PIP5K1B: variants seen among roughly 807,000 people sequenced by gnomAD.
The protein encoded by PIP5K1B is phosphatidylinositol 4-phosphate 5-kinase type-1 beta.
In PIP5K1B, 42 loss-of-function variants were observed where a neutral mutation model predicts 67.0. That is an observed-to-expected ratio of 0.63 (90% CI 0.49 to 0.81). The LOEUF (loss-of-function observed/expected upper bound fraction) is 0.81. Ranked by LOEUF, PIP5K1B falls within the 30% of genes least tolerant of loss-of-function variation. The probability of loss-of-function intolerance (pLI) is 0.00; values close to 1 mark genes in which losing one functional copy is unlikely to be tolerated. For missense variants in PIP5K1B, 459 were observed against 646.3 expected, an observed-to-expected ratio of 0.71 and a Z score of 3.14; for synonymous variants, 214 against 231.4, an observed-to-expected ratio of 0.92 and a Z score of 0.68.
chr9:68,799,014 T>C (rs1351033460), intron 2 of PIP5K1B, among the ~76,000 whole-genome samples: 2 of 152,184 alleles, frequency 1.3e-5, no homozygotes, highest in Non-Finnish European at 2.9e-5. Flanking sequence ...GGGAATGAAG[T>C]GACATTGAAT....
chr9:68,820,922 G>A (rs540821459), intron 3 of PIP5K1B, among the ~76,000 whole-genome samples: 29 of 152,260 alleles, frequency 1.9e-4, no homozygotes, highest in South Asian at 1.9e-3. Flanking sequence ...ACAAAGATAC[G>A]CAATAGTTTT....
intron 2 of PIP5K1B, among the ~76,000 whole-genome samples, chr9:68,750,547 T>C (rs10115871): frequency 1.3e-5 from 2 of 152,050 alleles, no homozygotes; most frequent in African/African-American, 2.4e-5. Context: ...TAGAAAGTGA[T>C]TTGAATAGAT....
chr9:68,869,603 A>G (rs1179274320), intron 5 of PIP5K1B, among the ~76,000 whole-genome samples: 2 of 152,236 alleles, frequency 1.3e-5, no homozygotes, highest in Non-Finnish European at 2.9e-5. Flanking sequence ...GCTGCTATCT[A>G]CAATGGCTGC....
At chr9:68,843,130 G>C (rs1316358223) in intron 4 of PIP5K1B, 1 of 152,166 alleles carries the variant, frequency 6.6e-6, no homozygotes, top group Non-Finnish European at 1.5e-5. Flanking sequence ...AATTTTTAAA[G>C]GTGATTGTGA....
rs541635046 is a variant in PIP5K1B at position 68,859,334 on chromosome 9, G to A, written c.70-4503G>A. ...ATACAGAGGAGCTGTGAAACTAAAC[G>A]TTTGTGGTTTGCCTTTATGATGTTA... On this transcript the variant is annotated intron_variant, in intron 4 of 15. Transcript: ENST00000265382. 3.9e-5 allele frequency among the ~76,000 whole-genome samples: 6 copies of A among 152,286 alleles called. No individual in the cohort carries two copies. In the South Asian group the frequency reaches 1.0e-3, roughly 26 times the overall value.
At chr9:68,887,922 G>GCACTGCTCA in intron 6 of PIP5K1B, among the ~76,000 whole-genome samples, 1 of 151,728 alleles carries the variant, frequency 6.6e-6, no homozygotes, top group South Asian at 2.1e-4. Context: ...TGCAGGCTGT[G>GCACTGCTCA]CACTGCTCAA....
chr9:68,810,814 A>G (rs1389728785), intron 2 of PIP5K1B, among the ~76,000 whole-genome samples: 2 of 150,136 alleles, frequency 1.3e-5, no homozygotes, highest in Non-Finnish European at 1.5e-5. Context: ...AACAAGTTTT[A>G]TAGGAAAAAA....
chr9:68,909,368 T>C (rs1825753649), intron 8 of PIP5K1B, among the ~76,000 whole-genome samples: 1 of 151,728 alleles, frequency 6.6e-6, no homozygotes. Flanking sequence ...TTTACTCATA[T>C]GTACTTTAGT....
intron 1 of PIP5K1B, among the ~76,000 whole-genome samples, chr9:68,709,370 C>T (rs12352713): frequency 0.11 from 16,762 of 152,026 alleles, 987 homozygotes; most frequent in Non-Finnish European, 0.13. Flanking sequence ...GTAGCTGCAA[C>T]AACAGGCACG....
intron 4 of PIP5K1B, among the ~76,000 whole-genome samples, chr9:68,825,356 G>A (rs549167896): frequency 7.2e-5 from 11 of 152,300 alleles, no homozygotes; most frequent in South Asian, 6.2e-4. Context: ...TTTGCTCCCT[G>A]TTCACTCGGT....
At chr9:68,970,297 C>A (rs1829291390) in intron 14 of PIP5K1B, among the ~76,000 whole-genome samples, 1 of 152,192 alleles carries the variant, frequency 6.6e-6, no homozygotes, top group Non-Finnish European at 1.5e-5. Flanking sequence ...AGAATTATAG[C>A]TAGGGTTAAT....
chr9:68,879,009 C>G (rs1824041794), intron 6 of PIP5K1B, among the ~76,000 whole-genome samples: 1 of 152,068 alleles, frequency 6.6e-6, no homozygotes, highest in African/African-American at 2.4e-5. Flanking sequence ...TTATCAGGAA[C>G]ATTATTAACA....
chr9:68,890,893 C>T (rs920719136), intron 7 of PIP5K1B, among the ~76,000 whole-genome samples: 1 of 152,142 alleles, frequency 6.6e-6, no homozygotes, highest in Admixed American at 6.6e-5. Context: ...CTCAGATATA[C>T]TTGTCCTCTT....
At chr9:68,894,149 A>G (rs1824960510) in intron 7 of PIP5K1B, among the ~76,000 whole-genome samples, 190 bp from the exon 8 acceptor site, 1 of 152,210 alleles carries the variant, frequency 6.6e-6, no homozygotes, top group South Asian at 2.1e-4. Flanking sequence ...GTTTAGAATA[A>G]TAAAATTGCT....
At chr9:68,725,993 C>G (rs1390581030) in intron 1 of PIP5K1B, among the ~76,000 whole-genome samples, 1 of 152,190 alleles carries the variant, frequency 6.6e-6, no homozygotes, top group Admixed American at 6.5e-5. Flanking sequence ...ATATGAGAAG[C>G]TCCTAGAAGT....
chr9:68,953,401 C>A (rs571759337), intron 14 of PIP5K1B, among the ~76,000 whole-genome samples: 1 of 151,884 alleles, frequency 6.6e-6, no homozygotes, highest in Non-Finnish European at 1.5e-5. Context: ...TTTTTAGTCT[C>A]GGTTTTCATC....
chr9:68,992,434 G>A (rs1047923564), intron 15 of PIP5K1B, among the ~76,000 whole-genome samples: 5 of 152,226 alleles, frequency 3.3e-5, no homozygotes, highest in Non-Finnish European at 4.4e-5. Context: ...GAGCCTCCTT[G>A]AGCCTGCATT....
intron 15 of PIP5K1B, among the ~76,000 whole-genome samples, chr9:68,998,843 C>T (rs1283346147): frequency 6.6e-6 from 1 of 152,150 alleles, no homozygotes; most frequent in Non-Finnish European, 1.5e-5. Flanking sequence ...AATAAAGCCC[C>T]CCAAGTGTGA....
chr9:68,952,470 ATCTTCCTCTTTGCT>A (rs1828130965), intron 14 of PIP5K1B, among the ~76,000 whole-genome samples: 1 of 152,072 alleles, frequency 6.6e-6, no homozygotes, highest in South Asian at 2.1e-4. Flanking sequence ...CATCTCCTAC[ATCTTCCTCTTTGCT>A]TCTTCCTCTT....
Sources: allele counts gnomAD v4.1 joint callset (sites outside exome capture counted in the v4.1 genomes callset), GRCh38; gene constraint gnomAD v4.1.1; transcripts MANE v1.5; gene names NCBI Gene and HGNC (gene_info 2026-07-23, HGNC 2026-07-21).